Variants in SH3RF1 observed in about 807,000 individuals in gnomAD.
SH3RF1 encodes E3 ubiquitin-protein ligase SH3RF1.
Under a neutral mutation model 74.0 loss-of-function variants are expected in SH3RF1, and 32 were observed. The observed-to-expected ratio is 0.43, with a 90% confidence interval of 0.33 to 0.58. The LOEUF is 0.58. SH3RF1 is among the 20% of genes least tolerant of loss of function. SH3RF1 has a pLI of 0.05. For synonymous variants in SH3RF1, 396 were observed against 439.6 expected (o/e 0.90, Z 1.24); for missense variants, 954 against 1,130.9 (o/e 0.84, Z 2.24).
intron 2 of SH3RF1, among the ~76,000 whole-genome samples, chr4:169,206,401 G>A (rs1275627710): frequency 6.6e-6 from 1 of 152,146 alleles, no homozygotes; most frequent in African/African-American, 2.4e-5. Context: ...GGGGAAGGGG[G>A]GTGGTTCACA....
At chr4:169,178,029 T>C (rs1579121712) in intron 2 of SH3RF1, among the ~76,000 whole-genome samples, 1 of 151,160 alleles carries the variant, frequency 6.6e-6, no homozygotes, top group Non-Finnish European at 1.5e-5. Context: ...TCGTTTGGGG[T>C]GAGGAGTTTG....
At chr4:169,156,067 T>C (rs566374513) in intron 3 of SH3RF1, among the ~76,000 whole-genome samples, 2 of 152,232 alleles carry the variant, frequency 1.3e-5, no homozygotes, top group Non-Finnish European at 2.9e-5. Flanking sequence ...AATATGAAAG[T>C]AATGACATTT....
At chr4:169,137,396 C>T (rs1423927722) in intron 4 of SH3RF1, among the ~76,000 whole-genome samples, 1 of 152,084 alleles carries the variant, frequency 6.6e-6, no homozygotes, top group Admixed American at 6.5e-5. Flanking sequence ...AAGGAAAGAA[C>T]ACAAGCCTTT....
chr4:169,234,505 A>C (rs1730796419), intron 2 of SH3RF1, among the ~76,000 whole-genome samples: 1 of 152,232 alleles, frequency 6.6e-6, no homozygotes, highest in African/African-American at 2.4e-5. Flanking sequence ...CGTTTGGGTG[A>C]AGAACATTTA....
intron 2 of SH3RF1, among the ~76,000 whole-genome samples, chr4:169,231,926 T>G (rs1241222841): frequency 6.6e-6 from 1 of 152,220 alleles, no homozygotes; most frequent in African/African-American, 2.4e-5. Flanking sequence ...GGGAAAAGTA[T>G]TTCAACAGTT....
intron 2 of SH3RF1, among the ~76,000 whole-genome samples, chr4:169,190,164 C>T (rs905154405): frequency 8.6e-5 from 13 of 151,908 alleles, no homozygotes; most frequent in Admixed American, 3.3e-4. Flanking sequence ...CTCAAGGAAC[C>T]GGAGAAACAA....
intron 2 of SH3RF1, among the ~76,000 whole-genome samples, chr4:169,263,411 C>A (rs555607520): frequency 6.6e-6 from 1 of 152,332 alleles, no homozygotes; most frequent in East Asian, 1.9e-4. Context: ...TTAATGTCAT[C>A]TTTGACCTAG....
chr4:169,267,611 T>C (rs1020843441), intron 2 of SH3RF1, among the ~76,000 whole-genome samples: 30 of 152,338 alleles, frequency 2.0e-4, no homozygotes, highest in African/African-American at 6.0e-4. Flanking sequence ...ACAGCCTTAA[T>C]GATGAAACTG....
At chr4:169,159,603 T>C (rs1430856001) in intron 2 of SH3RF1, among the ~76,000 whole-genome samples, 3 of 152,164 alleles carry the variant, frequency 2.0e-5, no homozygotes, top group Admixed American at 6.5e-5. Context: ...GAGGATTTAG[T>C]GAATTCATAT....
At chr4:169,177,925 C>T (rs941642478) in intron 2 of SH3RF1, among the ~76,000 whole-genome samples, 19 of 151,798 alleles carry the variant, frequency 1.3e-4, no homozygotes, top group African/African-American at 4.4e-4. Flanking sequence ...AGTTAAAGGC[C>T]TTGGTTCTCT....
intron 4 of SH3RF1, among the ~76,000 whole-genome samples, chr4:169,141,639 CT>C (rs112366388): frequency 0.19 from 27,015 of 139,454 alleles, 2,111 homozygotes; most frequent in African/African-American, 0.25. Flanking sequence ...GATATAAATA[CT>C]TTTTTTTTTT....
intron 2 of SH3RF1, among the ~76,000 whole-genome samples, chr4:169,191,743 C>T (rs1254563992): frequency 6.6e-6 from 1 of 151,982 alleles, no homozygotes; most frequent in African/African-American, 2.4e-5. Context: ...AACCCAAATC[C>T]TTATAGCCAA....
At chr4:169,133,189 C>A (rs1481486462) in intron 5 of SH3RF1, among the ~76,000 whole-genome samples, 1 of 152,116 alleles carries the variant, frequency 6.6e-6, no homozygotes, top group East Asian at 1.9e-4. Flanking sequence ...TGCTATTATG[C>A]CAGCATCCAA....
chr4:169,176,047 C>T (rs1734415904), intron 2 of SH3RF1, among the ~76,000 whole-genome samples: 1 of 152,150 alleles, frequency 6.6e-6, no homozygotes, highest in African/African-American at 2.4e-5. Context: ...CAAGGAAAGG[C>T]CATGGAGCAC....
At chr4:169,254,381 C>T (rs1731150780) in intron 2 of SH3RF1, among the ~76,000 whole-genome samples, 1 of 151,962 alleles carries the variant, frequency 6.6e-6, no homozygotes, top group African/African-American at 2.4e-5. Flanking sequence ...CCAAATGGGG[C>T]CAGAGAATAT....
chr4:169,137,942 C>T (rs1171726316), intron 4 of SH3RF1, among the ~76,000 whole-genome samples: 3 of 152,194 alleles, frequency 2.0e-5, no homozygotes, highest in African/African-American at 4.8e-5. Flanking sequence ...CATATCTCTT[C>T]TTCAGACTTT....
intron 2 of SH3RF1, among the ~76,000 whole-genome samples, chr4:169,220,646 A>G (rs992648628): frequency 2.0e-5 from 3 of 152,170 alleles, no homozygotes; most frequent in African/African-American, 7.2e-5. Context: ...ACCCAGCTCC[A>G]ATGGGATTAG....
At chr4:169,268,074 T>C (rs1440375399) in intron 2 of SH3RF1, among the ~76,000 whole-genome samples, 1 of 151,960 alleles carries the variant, frequency 6.6e-6, no homozygotes, top group African/African-American at 2.4e-5. Flanking sequence ...ATTATTTATA[T>C]ATATTTCTAA....
At chr4:169,233,366 A>C (rs1340140808) in intron 2 of SH3RF1, among the ~76,000 whole-genome samples, 1 of 152,122 alleles carries the variant, frequency 6.6e-6, no homozygotes, top group African/African-American at 2.4e-5. Flanking sequence ...TAGCATATAT[A>C]TCATAAAATA....
Sources: gnomAD v4.1 joint callset for allele counts (sites outside exome capture counted in the v4.1 genomes callset) on GRCh38, gnomAD v4.1.1 for gene constraint, MANE v1.5 for transcripts, NCBI Gene and HGNC (gene_info 2026-07-23, HGNC 2026-07-21) for gene names.